Variants in FBLN2 observed in about 807,000 individuals in gnomAD.
The protein encoded by FBLN2 is fibulin 2.
A neutral mutation model predicts 123.7 loss-of-function variants in FBLN2; 81 were observed. The observed-to-expected ratio is 0.65, with a 90% CI of 0.55 to 0.79. The LOEUF (loss-of-function observed/expected upper bound fraction) is 0.79, where lower values mean the gene tolerates loss of function less well. FBLN2 is among the 30% of genes least tolerant of loss of function. FBLN2 has a pLI of 0.00. For missense variants in FBLN2, 1,603 were observed against 1,681.3 expected (o/e 0.95, Z 0.81); for synonymous variants, 699 against 701.4 (o/e 1.00, Z 0.05).
intron 2 of FBLN2, among the ~76,000 whole-genome samples, chr3:13,574,972 T>G (rs556781642): frequency 6.6e-6 from 1 of 152,284 alleles, no homozygotes; most frequent in Admixed American, 6.5e-5. Context: ...CATTAGACTC[T>G]AAACGAGGGC....
chr3:13,605,192 C>T (rs1044430352), intron 2 of FBLN2, among the ~76,000 whole-genome samples: 1 of 152,198 alleles, frequency 6.6e-6, no homozygotes, highest in African/African-American at 2.4e-5. Flanking sequence ...TCACTTTAGA[C>T]CTCAGGGGCA....
At position 13,614,095 on chromosome 3, in the gene FBLN2, G is replaced by T; in HGVS notation, c.1660G>T (p.Glu554Ter). 1 of 1,613,728 alleles carries T rather than the reference G, an allele frequency of 6.2e-7. No homozygotes were observed. The change falls in exon 5 of 18, where the codon GAG (glutamate) becomes TAG (stop). Residue 554 changes from glutamate to a stop codon, truncating the protein, a stop_gained. Coordinates refer to ENST00000404922, the MANE Select transcript of FBLN2 (RefSeq NM_001004019.2). LOFTEE classifies it high-confidence loss of function. ...CAATCATGTCATGCTCTCCTGCTGT[G>T]AGGGTGAAGAGCCTCTCATAGTACC... ...PCNHVMLSCC[E>*]GEEPLIVPEV...
chr3:13,629,155 C>T lies in FBLN2; in HGVS notation c.2714-9C>T, dbSNP rs1255382030. The stretch of plus-strand genomic sequence containing the variant: ...CCAGGCCTCAAGGTACCCTGCTCAC[C>T]CCCCACAGACGTGAATGAGTGTGAG... On this transcript the variant is annotated splice_polypyrimidine_tract_variant and intron_variant, in intron 12 of 17. Transcript: ENST00000404922. 1.9e-6 allele frequency: 3 copies of T among 1,612,928 alleles called. No individual in the cohort carries two copies. The highest frequency in any genetic ancestry group is 1.3e-5 in the African/African-American group (1 of 75,058).
chr3:13,630,060 C>G (rs1002723579), intron 14 of FBLN2, 115 bp downstream of exon 14: 1 of 1,426,892 alleles, frequency 7.0e-7, no homozygotes, highest in African/African-American at 1.4e-5. Context: ...CACCCTCACA[C>G]CTTCACCCAT....
At chr3:13,553,319 G>A (rs1703374982) in intron 1 of FBLN2, among the ~76,000 whole-genome samples, 1 of 152,198 alleles carries the variant, frequency 6.6e-6, no homozygotes. Flanking sequence ...TGGGCCTGGA[G>A]AGGACAAGGC....
intron 2 of FBLN2, among the ~76,000 whole-genome samples, chr3:13,591,312 A>G (rs1180941085): frequency 1.3e-5 from 2 of 152,246 alleles, no homozygotes; most frequent in African/African-American, 2.4e-5. Context: ...ATCTCATTCT[A>G]TGACTTGCCT....
intron 1 of FBLN2, among the ~76,000 whole-genome samples, chr3:13,567,873 G>A (rs1439206742): frequency 6.6e-6 from 1 of 152,158 alleles, no homozygotes; most frequent in Non-Finnish European, 1.5e-5. Context: ...TGGGAAGATC[G>A]CTTGAGCTCG....
At chr3:13,586,914 G>A (rs184847240) in intron 2 of FBLN2, among the ~76,000 whole-genome samples, 2 of 151,654 alleles carry the variant, frequency 1.3e-5, no homozygotes, top group East Asian at 3.9e-4. Context: ...TTGGGAGGCT[G>A]AGGGCGGATC....
At chr3:13,636,871 T>A (rs1302522645) in intron 17 of FBLN2, among the ~76,000 whole-genome samples, 2 of 152,212 alleles carry the variant, frequency 1.3e-5, no homozygotes, top group Non-Finnish European at 2.9e-5. Flanking sequence ...ATACAACAGA[T>A]ACTTACTCTT....
At chr3:13,562,728 A>G (rs1459986762) in intron 1 of FBLN2, among the ~76,000 whole-genome samples, 1 of 152,060 alleles carries the variant, frequency 6.6e-6, no homozygotes. Flanking sequence ...ACCACTATCT[A>G]TTTCCAGAAC....
At chr3:13,621,108 C>T (rs1350172913) in intron 8 of FBLN2, among the ~76,000 whole-genome samples, 13 of 152,236 alleles carry the variant, frequency 8.5e-5, no homozygotes, top group South Asian at 2.1e-4. Flanking sequence ...CCCATGTCTG[C>T]GCATCCCCAG....
intron 2 of FBLN2, among the ~76,000 whole-genome samples, chr3:13,579,555 C>A (rs962114641): frequency 3.9e-5 from 6 of 152,232 alleles, no homozygotes; most frequent in Non-Finnish European, 7.3e-5. Context: ...GGACGCACAG[C>A]GTTCTGTTCT....
At position 13,635,265 on chromosome 3, in the gene FBLN2, G is replaced by A. The variant is rs111498127; in HGVS notation, c.3215-1180G>A. ...AACACCCCCTGCCCCTACCCCACGG[G>A]ACTTTCTGGAGGCCTCCTGAGGCGG... On this transcript the variant is annotated intron_variant, in intron 16 of 17. Transcript: ENST00000404922. Among the ~76,000 whole-genome samples the A allele has an allele frequency of 6.0e-3, 918 of 152,020 alleles. 18 individuals are homozygous for A. The highest frequency in any genetic ancestry group is 0.021 in the African/African-American group (882 of 41,438).
At chr3:13,591,750 T>C (rs1340518887) in intron 2 of FBLN2, among the ~76,000 whole-genome samples, 1 of 152,260 alleles carries the variant, frequency 6.6e-6, no homozygotes, top group African/African-American at 2.4e-5. Context: ...AAGAAATTGA[T>C]GTCTCTCCCA....
At chr3:13,599,466 G>T (rs1253614084) in intron 2 of FBLN2, among the ~76,000 whole-genome samples, 1 of 152,184 alleles carries the variant, frequency 6.6e-6, no homozygotes, top group African/African-American at 2.4e-5. Context: ...AAGTGGGCAG[G>T]ACCCCACCGT....
intron 2 of FBLN2, among the ~76,000 whole-genome samples, chr3:13,595,559 C>T (rs1254325134): frequency 6.6e-6 from 1 of 152,202 alleles, no homozygotes; most frequent in Non-Finnish European, 1.5e-5. Flanking sequence ...AACACCAAGG[C>T]TGGCGGGAAC....
At chr3:13,576,014 G>A (rs1249308965) in intron 2 of FBLN2, among the ~76,000 whole-genome samples, 1 of 152,168 alleles carries the variant, frequency 6.6e-6, no homozygotes. Context: ...GCTCGGCAAG[G>A]GCGAGTTCTG....
Position 13,629,192 on chromosome 3 carries a change from C to T in FBLN2, c.2742C>T (p.His914=). ...TGAATGAGTGTGAGACAGGTGTGCA[C>T]CGCTGCGGTGAGGGCCAAGTGTGCC... ...VDVNECETGV[H]RCGEGQVCHN... is the part of the protein sequence containing the mutation. Residue 914 remains histidine (H), a synonymous_variant, in exon 13 of 18, where the codon CAC becomes CAT. Transcript: ENST00000404922. 2 of 1,613,328 alleles carry T rather than the reference C, an allele frequency of 1.2e-6. No individual in the cohort carries two copies. Among genetic ancestry groups the T allele is most frequent in the Non-Finnish European group, 1.7e-6 (2 of 1,179,748 alleles).
chr3:13,568,336 T>C (rs948347207), intron 1 of FBLN2, among the ~76,000 whole-genome samples: 12 of 152,226 alleles, frequency 7.9e-5, no homozygotes, highest in Middle Eastern at 3.2e-3. Context: ...CAGCAAATCC[T>C]GTGGGTCCTA....
Sources: gnomAD v4.1 joint callset for allele counts (sites outside exome capture counted in the v4.1 genomes callset) on GRCh38, gnomAD v4.1.1 for gene constraint, MANE v1.5 for transcripts, NCBI Gene and HGNC (gene_info 2026-07-23, HGNC 2026-07-21) for gene names.